CHST11: variants seen among roughly 807,000 people sequenced by gnomAD.
CHST11 encodes carbohydrate sulfotransferase 11, also known as C4S-1.
In CHST11, 9 loss-of-function variants were observed where a neutral mutation model predicts 30.4. The observed-to-expected ratio is 0.30, with a 90% CI of 0.18 to 0.52. The LOEUF is 0.52. CHST11 is among the 20% of genes least tolerant of loss of function. CHST11 has a pLI of 0.97. For missense variants in CHST11, 348 were observed against 460.6 expected (o/e 0.76, Z 2.24); for synonymous variants, 152 against 187.8 (o/e 0.81, Z 1.56).
Position 104,606,176 on chromosome 12 carries a change from G to A in CHST11, c.204+4185G>A, listed in dbSNP as rs557810748. Among the ~76,000 whole-genome samples, 29 of 8,302 alleles carry A rather than the reference G, an allele frequency of 3.5e-3. No individual in the cohort carries two copies. In the East Asian group the frequency reaches 0.12, roughly 35 times the overall value. The allele number at this position is 8,302 out of a possible 152,430, so 5.4% of individuals were successfully genotyped here. A position where few individuals can be genotyped will look rare whatever the true frequency, so the allele number is the denominator to read the frequency against. On this transcript the variant is annotated intron_variant, in intron 2 of 2. Transcript: ENST00000303694. ...TGGGGAACTCTCTGGGGCGGGGGGC[G>A]GGGGGGGGAATGGCTCCAGGAAAAC...
rs545796877 is a variant in CHST11, at chr12:104,559,559, A to G, written c.119-42347A>G. ...GGAGTTCGAGACCAGCCTGACCAACATGGTAAAACCCCCTCTCTACTAAAA... is the reference window on the plus strand; with the variant it reads ...GGAGTTCGAGACCAGCCTGACCAACGTGGTAAAACCCCCTCTCTACTAAAA... On this transcript the variant is annotated intron_variant, in intron 1 of 2. Coordinates refer to ENST00000303694, the MANE Select transcript of CHST11 (RefSeq NM_018413.6). Among the ~76,000 whole-genome samples the G allele has an allele frequency of 1.1e-4, 16 of 152,254 alleles. No homozygotes were observed. The South Asian group carries it at 3.3e-3, about 32-fold the overall frequency.
intron 1 of CHST11, among the ~76,000 whole-genome samples, chr12:104,516,756 A>G (rs1170928781): frequency 6.6e-6 from 1 of 151,986 alleles, no homozygotes; most frequent in Non-Finnish European, 1.5e-5. Context: ...AATTAAAGGC[A>G]TGCCTTGCTG....
At chr12:104,549,662 T>C (rs1019985150) in intron 1 of CHST11, among the ~76,000 whole-genome samples, 2 of 152,144 alleles carry the variant, frequency 1.3e-5, no homozygotes, top group African/African-American at 4.8e-5. Flanking sequence ...TTGAAGCTGG[T>C]TGGAAGGCCG....
At chr12:104,746,341 G>A (rs2040388898) in intron 2 of CHST11, among the ~76,000 whole-genome samples, 1 of 152,220 alleles carries the variant, frequency 6.6e-6, no homozygotes, top group African/African-American at 2.4e-5. Context: ...ACACTAGGGT[G>A]AAACAACCCT....
chr12:104,609,065 T>G (rs2039033581), intron 2 of CHST11, among the ~76,000 whole-genome samples: 1 of 152,268 alleles, frequency 6.6e-6, no homozygotes, highest in African/African-American at 2.4e-5. Flanking sequence ...GCCCTCTGCC[T>G]TTTGAATGCT....
chr12:104,627,409 A>AT (rs1256793108), intron 2 of CHST11, among the ~76,000 whole-genome samples: 5 of 152,202 alleles, frequency 3.3e-5, no homozygotes, highest in Non-Finnish European at 7.3e-5. Flanking sequence ...TGTTTAAAAA[A>AT]ATTTAATGAG....
chr12:104,531,150 A>G (rs2038179190), intron 1 of CHST11, among the ~76,000 whole-genome samples: 1 of 152,132 alleles, frequency 6.6e-6, no homozygotes, highest in African/African-American at 2.4e-5. Context: ...TCGCTCAAAG[A>G]TGATGGTCTT....
At chr12:104,656,311 C>CT (rs1449142950) in intron 2 of CHST11, among the ~76,000 whole-genome samples, 1 of 152,186 alleles carries the variant, frequency 6.6e-6, no homozygotes, top group Non-Finnish European at 1.5e-5. Flanking sequence ...CACTTTTCCT[C>CT]TTTTTTTCTC....
Position 104,458,137 on chromosome 12 carries a change from C to T in CHST11, c.118+608C>T, listed in dbSNP as rs898914098. Among the ~76,000 whole-genome samples the T allele has an allele frequency of 6.6e-6, 1 of 151,980 alleles. No homozygotes were observed. The highest frequency in any genetic ancestry group is 1.5e-5 in the Non-Finnish European group (1 of 67,952). ...AGCAGGTGTGGAGAGTGGTCGGGTG[C>T]CCAGCGTTGCCCCTCCACCACGCGC... is the stretch of plus-strand genomic sequence containing the variant. On this transcript the variant is annotated intron_variant, in intron 1 of 2. Transcript: ENST00000303694. The surrounding 1 kb of genome is among the most constrained non-coding windows in gnomAD (Gnocchi z 5.7).
At chr12:104,526,112 A>G (rs1223786298) in intron 1 of CHST11, among the ~76,000 whole-genome samples, 1 of 152,080 alleles carries the variant, frequency 6.6e-6, no homozygotes, top group Non-Finnish European at 1.5e-5. Context: ...TGGTAGTTGT[A>G]TCTGACTTTT....
At chr12:104,504,870 G>T (rs773298826) in intron 1 of CHST11, among the ~76,000 whole-genome samples, 3 of 152,112 alleles carry the variant, frequency 2.0e-5, no homozygotes, top group East Asian at 3.9e-4. Flanking sequence ...TGGTTGGAGT[G>T]GGGGAGGGGG....
intron 1 of CHST11, among the ~76,000 whole-genome samples, chr12:104,595,525 A>T (rs576208832): frequency 6.6e-6 from 1 of 152,294 alleles, no homozygotes; most frequent in Non-Finnish European, 1.5e-5. Flanking sequence ...GAAGTTAGGA[A>T]TTTAGAGTTG....
At chr12:104,597,300 T>TAA (rs11452358) in intron 1 of CHST11, among the ~76,000 whole-genome samples, 16 of 151,652 alleles carry the variant, frequency 1.1e-4, no homozygotes, top group African/African-American at 3.9e-4. Flanking sequence ...TTAGATTCTT[T>TAA]AAAAAAAAAT....
Position 104,697,040 on chromosome 12 carries a change from T to C in CHST11, c.205-59909T>C, listed in dbSNP as rs142659245. On this transcript the variant is annotated intron_variant, in intron 2 of 2. Coordinates refer to ENST00000303694, the MANE Select transcript of CHST11 (RefSeq NM_018413.6). ...ACCTATAGGTAGACAGATAAATTGC[T>C]TCCATTTTTTTATCATTATGAATAA... 1.2e-4 allele frequency among the ~76,000 whole-genome samples: 19 copies of C among 152,318 alleles called. No individual in the cohort carries two copies. The East Asian group carries it at 3.7e-3, about 29-fold the overall frequency.
chr12:104,674,965 C>G (rs1026507475), intron 2 of CHST11, among the ~76,000 whole-genome samples: 1 of 152,102 alleles, frequency 6.6e-6, no homozygotes, highest in East Asian at 1.9e-4. Context: ...AATAACAGGT[C>G]CTGATACATA....
intron 1 of CHST11, among the ~76,000 whole-genome samples, chr12:104,547,120 A>G (rs1167159504): frequency 6.6e-6 from 1 of 152,248 alleles, no homozygotes; most frequent in Non-Finnish European, 1.5e-5. Flanking sequence ...TTTATAGTGC[A>G]GTGCCAGTAA....
At chr12:104,557,806 G>A (rs908287958) in intron 1 of CHST11, among the ~76,000 whole-genome samples, 1 of 152,174 alleles carries the variant, frequency 6.6e-6, no homozygotes, top group African/African-American at 2.4e-5. Flanking sequence ...GGAAATGTGG[G>A]AACGAAATTA....
At chr12:104,683,455 A>G (rs1186775972) in intron 2 of CHST11, among the ~76,000 whole-genome samples, 2 of 152,126 alleles carry the variant, frequency 1.3e-5, no homozygotes, top group South Asian at 2.1e-4. Context: ...AGGGTTTCAG[A>G]CCTCTAAAGG....
intron 2 of CHST11, among the ~76,000 whole-genome samples, chr12:104,714,164 G>A (rs920402959): frequency 1.3e-5 from 2 of 152,202 alleles, no homozygotes; most frequent in Non-Finnish European, 2.9e-5. Context: ...TGTGAAGAAG[G>A]CGCACTGGGA....
Sources: allele counts gnomAD v4.1 joint callset (sites outside exome capture counted in the v4.1 genomes callset), GRCh38; gene constraint gnomAD v4.1.1; non-coding constraint Gnocchi (gnomAD v3.1); transcripts MANE v1.5; gene names NCBI Gene and HGNC (gene_info 2026-07-23, HGNC 2026-07-21).